Variants in MTUS2 observed in about 807,000 individuals in gnomAD.
The protein encoded by MTUS2 is microtubule associated scaffold protein 2.
MTUS2 carries 40 observed loss-of-function variants against 114.1 expected under a neutral mutation model. The observed-to-expected ratio is 0.35, with a 90% CI of 0.27 to 0.46. The LOEUF is 0.46. MTUS2 is among the 20% of genes least tolerant of loss of function. The pLI, the probability that MTUS2 is intolerant of heterozygous loss-of-function variation, is 1.00. For synonymous variants in MTUS2, 688 were observed against 672.0 expected (o/e 1.02, Z -0.37); for missense variants, 1,679 against 1,705.4 (o/e 0.98, Z 0.27).
intron 8 of MTUS2, 122 bp downstream of exon 8, chr13:29,359,595 T>A (rs1344850052): frequency 9.1e-7 from 1 of 1,099,984 alleles, no homozygotes; most frequent in African/African-American, 1.6e-5. Flanking sequence ...GGAGTTTGGA[T>A]TTTCAGGAGT....
chr13:29,227,565 T>C (rs941204426), intron 5 of MTUS2, among the ~76,000 whole-genome samples: 2 of 152,222 alleles, frequency 1.3e-5, no homozygotes, highest in African/African-American at 2.4e-5. Context: ...CATACCATCA[T>C]ACCAAGGAGA....
intron 9 of MTUS2, among the ~76,000 whole-genome samples, chr13:29,459,988 T>TGG (rs1477784750): frequency 6.6e-6 from 1 of 152,192 alleles, no homozygotes; most frequent in Non-Finnish European, 1.5e-5. Context: ...ACACCCTCCC[T>TGG]GGGCCATTCC....
chr13:28,899,654 C>T (rs565630288), intron 2 of MTUS2, among the ~76,000 whole-genome samples: 3 of 152,170 alleles, frequency 2.0e-5, no homozygotes, highest in Non-Finnish European at 4.4e-5. Flanking sequence ...TTGTGATCTG[C>T]CCGTCTCGGC....
intron 8 of MTUS2, among the ~76,000 whole-genome samples, chr13:29,389,570 C>CAT (rs147478329): frequency 0.76 from 88,326 of 116,306 alleles, 35,742 homozygotes; most frequent in Admixed American, 0.83. Context: ...TATATGTGTA[C>CAT]ATATGTGTGT....
rs774955185 is a variant in MTUS2, at chr13:29,219,545, C to T, written c.2645-62159C>T. Among the ~76,000 whole-genome samples, 376 of 152,328 alleles carry T rather than the reference C, an allele frequency of 2.5e-3. 3 individuals are homozygous for T. The highest frequency in any genetic ancestry group is 4.1e-3 in the Non-Finnish European group (282 of 68,020). ...TAGTTCTAGATCCCTGCATTCATTT[C>T]TAACAAGAGAGTTAGCCTGTCCTTT... is the stretch of plus-strand genomic sequence containing the variant. On this transcript the variant is annotated intron_variant, in intron 5 of 15. Transcript: ENST00000612955.
intron 2 of MTUS2, among the ~76,000 whole-genome samples, chr13:28,898,423 T>A (rs1879421590): frequency 6.6e-6 from 1 of 152,226 alleles, no homozygotes; most frequent in Admixed American, 6.5e-5. Flanking sequence ...GGGTTGTTGT[T>A]TGGGGCCAGA....
intron 2 of MTUS2, among the ~76,000 whole-genome samples, chr13:28,910,161 A>G (rs539636835): frequency 3.0e-4 from 45 of 152,052 alleles, no homozygotes; most frequent in African/African-American, 8.2e-4. Flanking sequence ...AACCACTCCC[A>G]TTTCCCTCCA....
At chr13:28,903,098 T>C (rs937660670) in intron 2 of MTUS2, among the ~76,000 whole-genome samples, 1 of 152,162 alleles carries the variant, frequency 6.6e-6, no homozygotes, top group Non-Finnish European at 1.5e-5. Context: ...TTCCTTCTAT[T>C]TGAAGAACTT....
Position 29,071,409 on chromosome 13 carries a change from A to ATTTTTTTTTTTTTTTTTTT in MTUS2, c.2447-29348_2447-29330dup, listed in dbSNP as rs751020009. Among the ~76,000 whole-genome samples the ATTTTTTTTTTTTTTTTTTT allele has an allele frequency of 4.1e-4, 19 of 46,140 alleles. 4 individuals are homozygous for ATTTTTTTTTTTTTTTTTTT. The highest frequency in any genetic ancestry group is 7.6e-4 in the Admixed American group (2 of 2,616). 30.3% of individuals were successfully genotyped at this position (46,140 alleles called of 152,430 possible). A position where few individuals can be genotyped will look rare whatever the true frequency, so the allele number is the denominator to read the frequency against. On this transcript the variant is annotated intron_variant, in intron 4 of 15. Transcript: ENST00000612955. ...TTTAAAAGATCTCTATGTTGCTTGA[A>ATTTTTTTTTTTTTTTTTTT]TTTTTTTTTTTTTTTTTTTTTTTTT... is the stretch of plus-strand genomic sequence containing the variant.
intron 5 of MTUS2, among the ~76,000 whole-genome samples, chr13:29,273,060 G>A (rs918146161): frequency 6.6e-5 from 10 of 152,168 alleles, no homozygotes; most frequent in Admixed American, 2.0e-4. Context: ...TGAGGGAAGA[G>A]CCCTCATAGC....
intron 9 of MTUS2, among the ~76,000 whole-genome samples, chr13:29,454,125 A>C (rs1037112834): frequency 3.9e-5 from 6 of 152,244 alleles, no homozygotes; most frequent in Admixed American, 2.0e-4. Context: ...GAACAAGATG[A>C]TAACTTGACC....
intron 5 of MTUS2, among the ~76,000 whole-genome samples, chr13:29,235,222 GA>G (rs1461776932): frequency 2.0e-5 from 3 of 151,942 alleles, no homozygotes; most frequent in African/African-American, 7.3e-5. Context: ...TCAGCCTTCC[GA>G]GTAGCTGGGA....
chr13:29,324,387 G>A (rs531089976), intron 6 of MTUS2, among the ~76,000 whole-genome samples: 2 of 152,272 alleles, frequency 1.3e-5, no homozygotes, highest in East Asian at 1.9e-4. Flanking sequence ...AGAGACAGCA[G>A]TGTCCTTACT....
intron 4 of MTUS2, among the ~76,000 whole-genome samples, chr13:29,085,241 C>T (rs1208106005): frequency 6.6e-6 from 1 of 152,090 alleles, no homozygotes; most frequent in Non-Finnish European, 1.5e-5. Context: ...CAAAAGTAAA[C>T]CTCTTTTCTT....
At chr13:29,278,645 C>T (rs773461900) in intron 5 of MTUS2, among the ~76,000 whole-genome samples, 48 of 152,278 alleles carry the variant, frequency 3.2e-4, no homozygotes, top group African/African-American at 1.1e-3. Flanking sequence ...TAATGTGAAT[C>T]GCAACAAGCA....
chr13:29,235,031 G>T (rs1025061096), intron 5 of MTUS2, among the ~76,000 whole-genome samples: 1 of 151,716 alleles, frequency 6.6e-6, no homozygotes, highest in Admixed American at 6.6e-5. Flanking sequence ...ATTATTTTTG[G>T]ACTTAGTATG....
chr13:29,204,786 A>G (rs972909867), intron 5 of MTUS2, among the ~76,000 whole-genome samples: 5 of 152,202 alleles, frequency 3.3e-5, no homozygotes, highest in African/African-American at 9.7e-5. Context: ...GACCACGTGT[A>G]CACAGCTTCG....
rs143548446 is a variant in MTUS2 at position 29,087,733 on chromosome 13, G to T, written c.2447-13040G>T. ...GGGTTGTTTTGCTCTCATTTCTCCA[G>T]TTCCTCTGGGTATAATGTTAGGTGG... On this transcript the variant is annotated intron_variant, in intron 4 of 15. Transcript: ENST00000612955. Among the ~76,000 whole-genome samples the T allele has an allele frequency of 2.5e-3, 380 of 152,278 alleles. 1 individual carries two copies. The highest frequency in any genetic ancestry group is 0.014 in the Middle Eastern group (4 of 294).
intron 9 of MTUS2, among the ~76,000 whole-genome samples, chr13:29,462,771 ACAC>A (rs1314943563): frequency 1.3e-5 from 2 of 151,796 alleles, no homozygotes; most frequent in African/African-American, 4.8e-5. Context: ...GATGAGAGAG[ACAC>A]CACCATTTGT....
Sources: gnomAD v4.1 joint callset for allele counts (sites outside exome capture counted in the v4.1 genomes callset) on GRCh38, gnomAD v4.1.1 for gene constraint, MANE v1.5 for transcripts, NCBI Gene and HGNC (gene_info 2026-07-23, HGNC 2026-07-21) for gene names.